HABP2: variants seen among roughly 807,000 people sequenced by gnomAD.
The protein encoded by HABP2 is hyaluronan binding protein 2.
Under a neutral mutation model 66.5 loss-of-function variants are expected in HABP2, and 65 were observed. The ratio of observed to expected loss-of-function variants is 0.98; its 90% CI spans 0.80 to 1.20. The LOEUF is 1.20. HABP2 is among the 50% of genes most tolerant of loss of function. HABP2 has a pLI of 0.00. For missense variants in HABP2, 786 were observed against 691.0 expected (o/e 1.14, Z -1.54); for synonymous variants, 263 against 253.9 (o/e 1.04, Z -0.34).
chr10:113,584,837 T>C (rs866286761), intron 11 of HABP2, among the ~76,000 whole-genome samples: 15 of 152,288 alleles, frequency 9.8e-5, no homozygotes, highest in African/African-American at 3.1e-4. Flanking sequence ...TTCTATAAAA[T>C]TGTGTTAAAT....
chr10:113,568,940 T>C (rs1262826875), intron 2 of HABP2, among the ~76,000 whole-genome samples: 1 of 152,222 alleles, frequency 6.6e-6, no homozygotes. Flanking sequence ...AGTGAACAAC[T>C]TGAGCAACTG....
At chr10:113,579,943 C>T (rs550106790) in intron 7 of HABP2, among the ~76,000 whole-genome samples, 5 of 152,076 alleles carry the variant, frequency 3.3e-5, no homozygotes, top group East Asian at 3.9e-4. Context: ...CCACCACACC[C>T]GGCTAATTTT....
In HABP2 at chr10:113,582,188, C is replaced by T. The variant is rs1432873430; in HGVS notation, c.1094+57C>T. 14 of 1,527,060 alleles carry T rather than the reference C, an allele frequency of 9.2e-6. No individual in the cohort carries two copies. In the South Asian group the frequency reaches 1.3e-4, roughly 14 times the overall value. 94.6% of individuals were successfully genotyped at this position (1,527,060 alleles called of 1,614,324 possible). ...GCTTGAGTGGCTGGGGGTGCTCTCC[C>T]CTTCCCCTCTGAGCAGCATCTTTGT... On this transcript the variant is annotated intron_variant, in intron 9 of 12. Transcript: ENST00000351270.
chr10:113,552,168 G>A (rs1420799731), upstream of HABP2, among the ~76,000 whole-genome samples: 1 of 152,128 alleles, frequency 6.6e-6, no homozygotes, highest in African/African-American at 2.4e-5. Flanking sequence ...GGGCTGGGCA[G>A]GGGGGCACAG....
At chr10:113,578,889 T>A in intron 7 of HABP2, 91 bp downstream of exon 7, 1 of 889,012 alleles carries the variant, frequency 1.1e-6, no homozygotes, top group Non-Finnish European at 1.8e-6. Flanking sequence ...CTAGGAAGAT[T>A]TTCTTACTCA....
chr10:113,568,555 G>C (rs751514936), intron 2 of HABP2, among the ~76,000 whole-genome samples: 1 of 152,104 alleles, frequency 6.6e-6, no homozygotes, highest in Non-Finnish European at 1.5e-5. Flanking sequence ...GTGGGGTTTT[G>C]AGAAAATCCG....
chr10:113,570,887 C>T (rs908243085), intron 2 of HABP2, among the ~76,000 whole-genome samples: 1 of 152,178 alleles, frequency 6.6e-6, no homozygotes, highest in Non-Finnish European at 1.5e-5. Flanking sequence ...ATGGCCCTTC[C>T]TTTTAAGAAA....
At chr10:113,576,714 T>C (rs564196372) in intron 4 of HABP2, among the ~76,000 whole-genome samples, 1 of 152,354 alleles carries the variant, frequency 6.6e-6, no homozygotes, top group East Asian at 1.9e-4. Flanking sequence ...TCTTCACTTA[T>C]TCTTTTCATT....
chr10:113,578,232 A>G (rs532998009), intron 6 of HABP2, 87 bp downstream of exon 6: 12 of 1,453,876 alleles, frequency 8.3e-6, no homozygotes, highest in South Asian at 1.2e-5. Flanking sequence ...TGTGGTTCAA[A>G]TCAAGTTTCC....
Position 113,582,126 on chromosome 10 carries a change from C to T in HABP2, c.1089C>T (p.Cys363=), listed in dbSNP as rs1362767678. The T allele has an allele frequency of 6.2e-7, 1 of 1,603,772 alleles. No individual in the cohort carries two copies. Among genetic ancestry groups the T allele is most frequent in the South Asian group, 1.1e-5 (1 of 90,608 alleles). Residue 363 remains cysteine, a synonymous_variant, in exon 9 of 13, where the codon TGC becomes TGT. Transcript: ENST00000351270. ...HPCWVLTAAH[C]TDIKTRHLKV... is the part of the protein sequence containing the mutation. ...GCTGGGTGCTCACTGCTGCCCACTG[C>T]ACCGAGTAGGTGCCGCTGGGAGCAG...
chr10:113,588,101 A>C (rs1845690511), intron 12 of HABP2, 104 bp from the exon 13 acceptor site: 2 of 884,130 alleles, frequency 2.3e-6, no homozygotes, highest in Non-Finnish European at 3.4e-6. Context: ...GAGGCTGGCA[A>C]GGGACTCCAC....
rs969535570 is a variant in HABP2, at chr10:113,584,219, C to A, written c.1309C>A (p.Pro437Thr). 1.9e-6 allele frequency: 3 copies of A among 1,613,302 alleles called. No individual in the cohort carries two copies. Among genetic ancestry groups the A allele is most frequent in the Non-Finnish European group, 2.5e-6 (3 of 1,179,324 alleles). The stretch of plus-strand genomic sequence containing the variant: ...CAAATACGTGAAGACTGTGTGCTTG[C>A]CTGATGGGTCCTTTCCCTCTGGGAG... ...ESKYVKTVCL[P>T]DGSFPSGSEC... Residue 437 changes from proline (P) to threonine (T), a missense_variant, in exon 11 of 13, where the codon CCT (proline) becomes ACT (threonine). Physicochemically the swap from Pro to Thr is conservative, Grantham distance 38 (BLOSUM62 -1). Coordinates refer to ENST00000351270, the MANE Select transcript of HABP2 (RefSeq NM_004132.5).
intron 5 of HABP2, among the ~76,000 whole-genome samples, chr10:113,577,656 T>C (rs1845436634): frequency 6.6e-6 from 1 of 152,216 alleles, no homozygotes; most frequent in Admixed American, 6.5e-5. Flanking sequence ...ATGAAGAACC[T>C]GAAATGTAGA....
At chr10:113,555,593 G>T (rs944644842) in intron 1 of HABP2, among the ~76,000 whole-genome samples, 1 of 152,168 alleles carries the variant, frequency 6.6e-6, no homozygotes, top group African/African-American at 2.4e-5. Context: ...CTGTCATGGA[G>T]ATTTTTATTC....
chr10:113,574,927 TTGTG>T (rs999968890), intron 3 of HABP2, among the ~76,000 whole-genome samples: 4 of 151,828 alleles, frequency 2.6e-5, no homozygotes, highest in Admixed American at 1.3e-4. Flanking sequence ...AATTGTTAGA[TTGTG>T]TGTGTGTATG....
Position 113,588,285 on chromosome 10 carries a change from TG to T in HABP2, c.1602del (p.Lys535ArgfsTer13), listed in dbSNP as rs1276883379. On this transcript the variant is annotated frameshift_variant, in exon 13 of 13. Transcript: ENST00000351270. LOFTEE classifies it high-confidence loss of function. Reference sequence around the variant, plus strand: ...GGATAGTGAGCTGGGGCCTGGAGTGTGGGAAGAGGCCAGGGGTCTACACCCA... The same window carrying T: ...GGATAGTGAGCTGGGGCCTGGAGTGTGGAAGAGGCCAGGGGTCTACACCCA... ...YGIVSWGLEC[G>X]KRPGVYTQVT... is the part of the protein sequence containing the mutation. 3 of 1,613,576 alleles carry T rather than the reference TG, an allele frequency of 1.9e-6. No homozygotes were observed. The highest frequency in any genetic ancestry group is 8.5e-7 in the Non-Finnish European group (1 of 1,179,636).
chr10:113,585,659 C>T (rs1845619455), intron 11 of HABP2, 134 bp from the exon 12 acceptor site: 1 of 682,498 alleles, frequency 1.5e-6, no homozygotes, highest in Non-Finnish European at 2.6e-6. Flanking sequence ...GGCTTTTCTG[C>T]CCATATCCTG....
rs932314131 is a variant in HABP2 at position 113,582,240 on chromosome 10, T to C, written c.1094+109T>C. 37 of 1,138,414 alleles carry C rather than the reference T, an allele frequency of 3.3e-5. No individual in the cohort carries two copies. The East Asian group carries it at 8.9e-4, about 27-fold the overall frequency. 70.5% of individuals were successfully genotyped at this position (1,138,414 alleles called of 1,614,324 possible). ...GCTCTGTCAGGATTAGGGGGTCTGATCTGTTCAAGGGCAAAAGAAGGGCTC... is the reference window on the plus strand; with the variant it reads ...GCTCTGTCAGGATTAGGGGGTCTGACCTGTTCAAGGGCAAAAGAAGGGCTC... On this transcript the variant is annotated intron_variant, in intron 9 of 12. Transcript: ENST00000351270.
intron 2 of HABP2, among the ~76,000 whole-genome samples, chr10:113,573,201 C>A (rs1845345369): frequency 6.6e-6 from 1 of 152,188 alleles, no homozygotes; most frequent in Non-Finnish European, 1.5e-5. Flanking sequence ...TTCTTCAAAT[C>A]CCAAACTTCC....
Sources: allele counts gnomAD v4.1 joint callset (sites outside exome capture counted in the v4.1 genomes callset), GRCh38; gene constraint gnomAD v4.1.1; transcripts MANE v1.5; gene names NCBI Gene and HGNC (gene_info 2026-07-23, HGNC 2026-07-21).